The following SNX21 variants were observed in gnomAD, a reference collection of about 807,000 sequenced individuals.
The protein encoded by SNX21 is sorting nexin family member 21, also known as sorting nexin-21.
Under a neutral mutation model 30.9 loss-of-function variants are expected in SNX21, and 36 were observed. That is an observed-to-expected ratio of 1.16 (90% confidence interval 0.89 to 1.54). The LOEUF (loss-of-function observed/expected upper bound fraction) is 1.54, where lower values mean the gene tolerates loss of function less well. SNX21 is among the 40% of genes most tolerant of loss of function. The pLI is 0.00. For synonymous variants in SNX21, 218 were observed against 222.7 expected (o/e 0.98, Z 0.19); for missense variants, 508 against 516.5 (o/e 0.98, Z 0.16).
Position 45,841,133 on chromosome 20 carries a change from G to A in SNX21, c.942G>A (p.Gly314=), listed in dbSNP as rs1452391436. The A allele has an allele frequency of 1.9e-6, 3 of 1,612,360 alleles. No homozygotes were observed. The Admixed American group carries it at 5.0e-5, about 27-fold the overall frequency. Residue 314 remains glycine, a synonymous_variant, in exon 4 of 4, where the codon GGG becomes GGA. Transcript: ENST00000491381. The part of the protein sequence containing the change: ...ACCEKALQLL[G]DKSLHPLLAP... The stretch of plus-strand genomic sequence containing the variant: ...GTGAGAAGGCCCTGCAGCTGCTTGG[G>A]GACAAGAGCCTCCACCCTTTGCTGG...
At chr20:45,835,146 T>C (rs752729175) in intron 3 of SNX21, 30 bp downstream of exon 3, 3 of 1,591,480 alleles carry the variant, frequency 1.9e-6, no homozygotes, top group South Asian at 1.1e-5. Flanking sequence ...CCCTGGGCTG[T>C]GAGTCCAGAA....
Position 45,842,010 on chromosome 20 carries a change from T to G in SNX21, c.*697T>G. On this transcript the variant is annotated 3_prime_UTR_variant, in exon 4 of 4. Coordinates refer to ENST00000491381, the MANE Select transcript of SNX21 (RefSeq NM_033421.4). ...CCTGCTTCAGAACAGCCAAATACACTTTTTTTTTTTTTCCTGAAACAGAGT... is the reference window on the plus strand; with the variant it reads ...CCTGCTTCAGAACAGCCAAATACACGTTTTTTTTTTTTCCTGAAACAGAGT... The G allele has an allele frequency of 2.7e-6, 1 of 363,938 alleles. No individual in the cohort carries two copies. The highest frequency in any genetic ancestry group is 4.6e-6 in the Non-Finnish European group (1 of 219,036). The allele number at this position is 363,938 out of a possible 1,614,324, so 22.5% of individuals were successfully genotyped here.
Position 45,833,840 on chromosome 20 carries a change from C to A in SNX21, c.-80C>A, listed in dbSNP as rs760034107. 1 of 1,251,418 alleles carries A rather than the reference C, an allele frequency of 8.0e-7. No homozygotes were observed. The highest frequency in any genetic ancestry group is 1.0e-6 in the Non-Finnish European group (1 of 987,614). The allele number at this position is 1,251,418 out of a possible 1,614,324, so 77.5% of individuals were successfully genotyped here. On this transcript the variant is annotated 5_prime_UTR_variant, in exon 1 of 4. Coordinates refer to ENST00000491381, the MANE Select transcript of SNX21 (RefSeq NM_033421.4). ...GGCGCTCTGAGCGGCCTGAGCCCGG[C>A]GGAGCCCTGCAGAACCCGGCCGACC...
intron 3 of SNX21, among the ~76,000 whole-genome samples, chr20:45,837,993 ACTC>A (rs1489339578): frequency 6.7e-6 from 1 of 148,172 alleles, no homozygotes. Context: ...CTGGTCTTGA[ACTC>A]CTGACCTCAA....
chr20:45,842,525 G>A lies in SNX21; in HGVS notation c.*1212G>A, dbSNP rs1157513916. 7.9e-6 allele frequency: 8 copies of A among 1,012,070 alleles called. No homozygotes were observed. Among genetic ancestry groups the A allele is most frequent in the Non-Finnish European group, 9.5e-6 (8 of 846,102 alleles). The allele number at this position is 1,012,070 out of a possible 1,614,324, so 62.7% of individuals were successfully genotyped here. ...ACCAAGGGGAAGAAAGGACTCAGAA[G>A]AGAGGACTTGAGGCCATGAGGTCTG... On this transcript the variant is annotated 3_prime_UTR_variant, in exon 4 of 4. Coordinates refer to ENST00000491381, the MANE Select transcript of SNX21 (RefSeq NM_033421.4).
intron 3 of SNX21, among the ~76,000 whole-genome samples, chr20:45,838,998 A>G (rs920130000): frequency 6.6e-6 from 1 of 151,580 alleles, no homozygotes; most frequent in African/African-American, 2.4e-5. Flanking sequence ...GGTTCAAGCA[A>G]TTCTCCTGCC....
At chr20:45,836,355 G>A (rs1039380556) in intron 3 of SNX21, among the ~76,000 whole-genome samples, 2 of 151,976 alleles carry the variant, frequency 1.3e-5, no homozygotes, top group African/African-American at 4.8e-5. Context: ...GCCGGGCATG[G>A]TGGCAGGCGC....
chr20:45,835,159 A>G (rs779279512), intron 3 of SNX21, 43 bp downstream of exon 3: 2 of 1,571,414 alleles, frequency 1.3e-6, no homozygotes, highest in Non-Finnish European at 1.7e-6. Context: ...GTCCAGAAGT[A>G]TGGCTAGGAG....
rs1241418774 is a variant in SNX21, at chr20:45,842,164, G to A, written c.*851G>A. On this transcript the variant is annotated 3_prime_UTR_variant, in exon 4 of 4. Transcript: ENST00000491381. ...CCTCCAAGTGGACTTCTTGCAAAGG[G>A]TCTGGCCCAGGGCAGGGCTGCCCCA... 5.3e-6 allele frequency: 8 copies of A among 1,519,442 alleles called. No individual in the cohort carries two copies. Among genetic ancestry groups the A allele is most frequent in the East Asian group, 4.9e-5 (2 of 40,872 alleles). The allele number at this position is 1,519,442 out of a possible 1,614,324, so 94.1% of individuals were successfully genotyped here.
intron 3 of SNX21, among the ~76,000 whole-genome samples, chr20:45,836,451 A>G (rs1462769839): frequency 7.2e-6 from 1 of 139,552 alleles, no homozygotes; most frequent in African/African-American, 2.7e-5. Flanking sequence ...AGATCGAGCC[A>G]CTGCAGTCCG....
chr20:45,837,094 T>C (rs1186232914), intron 3 of SNX21, among the ~76,000 whole-genome samples: 1 of 152,166 alleles, frequency 6.6e-6, no homozygotes, highest in African/African-American at 2.4e-5. Flanking sequence ...AAAGAGTGCT[T>C]GGTACAACAG....
intron 3 of SNX21, among the ~76,000 whole-genome samples, chr20:45,839,292 G>C (rs930421713): frequency 6.6e-6 from 1 of 152,102 alleles, no homozygotes; most frequent in African/African-American, 2.4e-5. Context: ...AAGGCGGGCG[G>C]ATCACAAGGT....
Position 45,841,553 on chromosome 20 carries a change from A to G in SNX21, c.*240A>G. ...CTGACACAGCCTCTCCAGCCTATAA[A>G]CAGCCGGGGGGCTGTGGCACAGGTT... is the stretch of plus-strand genomic sequence containing the variant. On this transcript the variant is annotated 3_prime_UTR_variant, in exon 4 of 4. Coordinates refer to ENST00000491381, the MANE Select transcript of SNX21 (RefSeq NM_033421.4). 7.2e-7 allele frequency: 1 copy of G among 1,387,738 alleles called. No homozygotes were observed. Among genetic ancestry groups the G allele is most frequent in the East Asian group, 2.7e-5 (1 of 37,278 alleles). The allele number at this position is 1,387,738 out of a possible 1,614,324, so 86.0% of individuals were successfully genotyped here. A position where few individuals can be genotyped will look rare whatever the true frequency, so the allele number is the denominator to read the frequency against.
chr20:45,834,172 C>G (rs1413930339), intron 1 of SNX21, 29 bp from the exon 2 acceptor site: 1 of 1,465,418 alleles, frequency 6.8e-7, no homozygotes, highest in Admixed American at 2.5e-5. Context: ...CTCCGGGATC[C>G]GGTACACAGC....
rs763444966 is a variant in SNX21 at position 45,840,835 on chromosome 20, C to A, written c.644C>A (p.Ala215Asp). The change falls in exon 4 of 4, where the codon GCC (alanine) becomes GAC (aspartate). Residue 215 changes from alanine (A) to aspartate (D), a missense_variant. Physicochemically the swap from Ala to Asp is moderately radical, Grantham distance 126 (BLOSUM62 -2). Transcript: ENST00000491381. ...GAGACCATTGCCCGCCGTAGCCGGG[C>A]CTTTGAGCAGTTTTTGGGTCACCTG... ...TAETIARRSR[A>D]FEQFLGHLQA... 6.2e-7 allele frequency: 1 copy of A among 1,613,968 alleles called. No individual in the cohort carries two copies. Among genetic ancestry groups the A allele is most frequent in the Non-Finnish European group, 8.5e-7 (1 of 1,180,048 alleles).
chr20:45,842,805 T>C lies in SNX21; in HGVS notation c.*1492T>C. The C allele has an allele frequency of 1.0e-6, 1 of 990,832 alleles. No homozygotes were observed. Among genetic ancestry groups the C allele is most frequent in the Non-Finnish European group, 1.2e-6 (1 of 833,036 alleles). 61.4% of individuals were successfully genotyped at this position (990,832 alleles called of 1,614,324 possible). ...TCACTTCAAGGTTATCAATCTTGGA[T>C]TGTGATGCTATTGGTACTTGAGAAT... On this transcript the variant is annotated 3_prime_UTR_variant, in exon 4 of 4. Coordinates refer to ENST00000491381, the MANE Select transcript of SNX21 (RefSeq NM_033421.4).
intron 2 of SNX21, 49 bp downstream of exon 2, chr20:45,834,517 C>T: frequency 6.5e-7 from 1 of 1,526,920 alleles, no homozygotes; most frequent in Non-Finnish European, 8.7e-7. Context: ...GATTAGGCCT[C>T]CATCCCAGCC....
chr20:45,836,693 C>T (rs1409466730), intron 3 of SNX21, among the ~76,000 whole-genome samples: 7 of 151,958 alleles, frequency 4.6e-5, no homozygotes, highest in Admixed American at 4.6e-4. Flanking sequence ...TGGCAAAGGT[C>T]TCAGAACTCT....
rs1254399217 is a variant in SNX21, at chr20:45,842,379, CG to C, written c.*1068del. 3.1e-6 allele frequency: 4 copies of C among 1,281,038 alleles called. No homozygotes were observed. The highest frequency in any genetic ancestry group is 4.0e-6 in the Non-Finnish European group (4 of 1,011,332). 79.4% of individuals were successfully genotyped at this position (1,281,038 alleles called of 1,614,324 possible). ...CTGAGAACAGTCTCCTTCAACAGCTCGGCCAAGCAGAACTGCTGTACCTCTG... is the reference window on the plus strand; with the variant it reads ...CTGAGAACAGTCTCCTTCAACAGCTCGCCAAGCAGAACTGCTGTACCTCTG... On this transcript the variant is annotated 3_prime_UTR_variant, in exon 4 of 4. Transcript: ENST00000491381.
Sources: gnomAD v4.1 joint callset for allele counts (sites outside exome capture counted in the v4.1 genomes callset) on GRCh38, gnomAD v4.1.1 for gene constraint, MANE v1.5 for transcripts, NCBI Gene and HGNC (gene_info 2026-07-23, HGNC 2026-07-21) for gene names.